Variants in PRKG1 observed in about 807,000 individuals in gnomAD.
The protein encoded by PRKG1 is cGMP-dependent protein kinase 1.
In PRKG1, 35 loss-of-function variants were observed where a neutral mutation model predicts 88.1. That is an observed-to-expected ratio of 0.40 (90% CI 0.30 to 0.53). PRKG1 has a LOEUF of 0.53. Ranked by LOEUF, PRKG1 falls within the 20% of genes least tolerant of loss-of-function variation. The pLI, the probability that PRKG1 is intolerant of heterozygous loss-of-function variation, is 0.59. For synonymous variants in PRKG1, 303 were observed against 292.5 expected (o/e 1.04, Z -0.37); for missense variants, 540 against 839.8 (o/e 0.64, Z 4.41).
At chr10:51,049,867 G>T (rs1843539594) in intron 1 of PRKG1, among the ~76,000 whole-genome samples, 1 of 152,070 alleles carries the variant, frequency 6.6e-6, no homozygotes, top group South Asian at 2.1e-4. Flanking sequence ...AAATCCGAAA[G>T]TACCCATATG....
intron 3 of PRKG1, among the ~76,000 whole-genome samples, chr10:51,654,173 G>A (rs1481809702): frequency 6.6e-6 from 1 of 152,030 alleles, no homozygotes; most frequent in Non-Finnish European, 1.5e-5. Flanking sequence ...TTATATCTAA[G>A]TCTTTAATCC....
Position 52,079,793 on chromosome 10 carries a change from T to C in PRKG1, c.935+17162T>C, listed in dbSNP as rs186614502. Reference sequence around the variant, plus strand: ...ATTCTGAAGAACAAAAAAATTCTGGTTTGAATTTAGTCTTCCAGATTATTG... The same window carrying C: ...ATTCTGAAGAACAAAAAAATTCTGGCTTGAATTTAGTCTTCCAGATTATTG... On this transcript the variant is annotated intron_variant, in intron 7 of 17. Coordinates refer to ENST00000373980, the MANE Select transcript of PRKG1 (RefSeq NM_006258.4). Among the ~76,000 whole-genome samples, 175 of 152,286 alleles carry C rather than the reference T, an allele frequency of 1.1e-3. 1 individual carries two copies. Among genetic ancestry groups the C allele is most frequent in the Middle Eastern group, 6.8e-3 (2 of 294 alleles).
intron 5 of PRKG1, among the ~76,000 whole-genome samples, chr10:52,014,564 C>T (rs140819605): frequency 3.3e-5 from 5 of 152,326 alleles, no homozygotes; most frequent in African/African-American, 9.6e-5. Context: ...ATTTCCTTTA[C>T]ACATTTCAAA....
At chr10:51,806,962 A>T (rs529424197) in intron 4 of PRKG1, among the ~76,000 whole-genome samples, 2 of 152,010 alleles carry the variant, frequency 1.3e-5, no homozygotes, top group African/African-American at 2.4e-5. Context: ...CTGCCTTTCC[A>T]TGTATACTTA....
intron 7 of PRKG1, among the ~76,000 whole-genome samples, chr10:52,076,909 C>G (rs1846641359): frequency 6.6e-6 from 1 of 151,302 alleles, no homozygotes; most frequent in South Asian, 2.1e-4. Flanking sequence ...ATTAGAATAT[C>G]TAAAATTAAA....
chr10:51,699,841 A>G (rs1841417774), intron 3 of PRKG1, among the ~76,000 whole-genome samples: 1 of 152,142 alleles, frequency 6.6e-6, no homozygotes, highest in African/African-American at 2.4e-5. Context: ...CCCCACTACG[A>G]CACGCTTGGT....
intron 4 of PRKG1, among the ~76,000 whole-genome samples, chr10:51,899,150 T>C (rs566927649): frequency 7.2e-5 from 11 of 152,286 alleles, no homozygotes; most frequent in African/African-American, 2.6e-4. Flanking sequence ...TTCCGTGTTT[T>C]ACATATTTTT....
chr10:51,691,998 A>G (rs1473517795), intron 3 of PRKG1, among the ~76,000 whole-genome samples: 1 of 152,200 alleles, frequency 6.6e-6, no homozygotes, highest in Non-Finnish European at 1.5e-5. Flanking sequence ...CTGATGATTG[A>G]TAAGCATAAA....
At chr10:51,162,452 A>G (rs1039685197) in intron 2 of PRKG1, among the ~76,000 whole-genome samples, 6 of 152,180 alleles carry the variant, frequency 3.9e-5, no homozygotes, top group African/African-American at 1.4e-4. Flanking sequence ...TTTTGTGCTA[A>G]GGCTCCAAAA....
chr10:52,220,691 A>T (rs1189915636), intron 9 of PRKG1, among the ~76,000 whole-genome samples: 1 of 151,954 alleles, frequency 6.6e-6, no homozygotes, highest in Non-Finnish European at 1.5e-5. Context: ...TTTCTGTGTG[A>T]GTTTGCTAAG....
rs1374122444 is a variant in PRKG1, at chr10:52,294,005, A to G, written c.*105A>G. On this transcript the variant is annotated 3_prime_UTR_variant, in exon 18 of 18. Coordinates refer to ENST00000373980, the MANE Select transcript of PRKG1 (RefSeq NM_006258.4). ...GAGAAGATTAGTGCTCGGGGTCACC[A>G]TGATGCCTTTGATCGATGCTGCTCC... is the stretch of plus-strand genomic sequence containing the variant. The G allele has an allele frequency of 1.1e-6, 1 of 900,414 alleles. No homozygotes were observed. The highest frequency in any genetic ancestry group is 1.7e-6 in the Non-Finnish European group (1 of 574,316). The allele number at this position is 900,414 out of a possible 1,614,324, so 55.8% of individuals were successfully genotyped here. A position where few individuals can be genotyped will look rare whatever the true frequency, so the allele number is the denominator to read the frequency against.
At chr10:51,311,499 A>G (rs1388950033) in intron 2 of PRKG1, among the ~76,000 whole-genome samples, 1 of 152,190 alleles carries the variant, frequency 6.6e-6, no homozygotes, top group Non-Finnish European at 1.5e-5. Context: ...CGTGGAGAAC[A>G]TTGGCAGTTG....
At chr10:51,305,496 A>G (rs908823126) in intron 2 of PRKG1, among the ~76,000 whole-genome samples, 1 of 152,180 alleles carries the variant, frequency 6.6e-6, no homozygotes, top group African/African-American at 2.4e-5. Context: ...TCTCCAAATA[A>G]TAAGTAAATA....
intron 5 of PRKG1, among the ~76,000 whole-genome samples, chr10:51,958,532 G>A (rs904922953): frequency 5.0e-5 from 7 of 141,228 alleles, no homozygotes; most frequent in Non-Finnish European, 7.6e-5. Flanking sequence ...GGAATAGGTC[G>A]TCCATTGTTG....
At chr10:51,316,356 G>A (rs150958467) in intron 2 of PRKG1, among the ~76,000 whole-genome samples, 2 of 152,202 alleles carry the variant, frequency 1.3e-5, no homozygotes, top group African/African-American at 2.4e-5. Flanking sequence ...AGAATGAAGA[G>A]TTCTTAAATC....
intron 5 of PRKG1, among the ~76,000 whole-genome samples, chr10:51,987,201 T>C (rs1224075268): frequency 6.6e-6 from 1 of 152,096 alleles, no homozygotes; most frequent in East Asian, 1.9e-4. Flanking sequence ...GTGGTTTGCA[T>C]GTAAATGATG....
intron 5 of PRKG1, among the ~76,000 whole-genome samples, chr10:52,022,183 G>T (rs961100582): frequency 6.6e-6 from 1 of 152,132 alleles, no homozygotes; most frequent in African/African-American, 2.4e-5. Flanking sequence ...CCAACTGCAA[G>T]CTAATATAAG....
At chr10:51,497,993 C>G (rs1257951652) in intron 3 of PRKG1, among the ~76,000 whole-genome samples, 1 of 152,096 alleles carries the variant, frequency 6.6e-6, no homozygotes, top group African/African-American at 2.4e-5. Flanking sequence ...CCTTATCTCT[C>G]AAGTCTGATT....
chr10:51,616,106 T>C (rs1839046006), intron 3 of PRKG1, among the ~76,000 whole-genome samples: 1 of 152,214 alleles, frequency 6.6e-6, no homozygotes, highest in Non-Finnish European at 1.5e-5. Flanking sequence ...ATTTCCTCAG[T>C]GACTTACGAT....
Sources: allele counts gnomAD v4.1 joint callset (sites outside exome capture counted in the v4.1 genomes callset), GRCh38; gene constraint gnomAD v4.1.1; transcripts MANE v1.5; gene names NCBI Gene and HGNC (gene_info 2026-07-23, HGNC 2026-07-21).